The following MINDY4 variants were observed in gnomAD, a reference collection of about 807,000 sequenced individuals.
MINDY4 encodes the protein MINDY lysine 48 deubiquitinase 4, also known as probable ubiquitin carboxyl-terminal hydrolase MINDY-4.
Under a neutral mutation model 87.0 loss-of-function variants are expected in MINDY4, and 68 were observed. That is an observed-to-expected ratio of 0.78 (90% CI 0.64 to 0.96). MINDY4 has a LOEUF of 0.96. Ranked by LOEUF, MINDY4 falls within the 40% of genes least tolerant of loss-of-function variation. The pLI is 0.00. For synonymous variants in MINDY4, 379 were observed against 363.2 expected (o/e 1.04, Z -0.50); for missense variants, 919 against 928.2 (o/e 0.99, Z 0.13).
intron 6 of MINDY4, among the ~76,000 whole-genome samples, chr7:30,833,811 AGGG>A (rs959387407): frequency 3.3e-5 from 5 of 152,252 alleles, no homozygotes; most frequent in Admixed American, 6.5e-5. Context: ...GCCAAAACAA[AGGG>A]GCCCAGGCCC....
chr7:30,846,402 T>G (rs1022781570), intron 9 of MINDY4, among the ~76,000 whole-genome samples: 6 of 152,222 alleles, frequency 3.9e-5, no homozygotes, highest in African/African-American at 1.4e-4. Context: ...TCATTTATTT[T>G]CCCTATCTCT....
At chr7:30,844,571 C>T (rs1789147875) in intron 9 of MINDY4, among the ~76,000 whole-genome samples, 1 of 152,312 alleles carries the variant, frequency 6.6e-6, no homozygotes, top group African/African-American at 2.4e-5. Context: ...GGAGTGAGGG[C>T]CTGCTGTCGG....
intron 8 of MINDY4, 75 bp downstream of exon 8, chr7:30,839,391 T>C: frequency 1.1e-6 from 1 of 900,194 alleles, no homozygotes; most frequent in Non-Finnish European, 1.7e-6. Context: ...CCTCCCAGTT[T>C]TGGTTAATCC....
At chr7:30,776,472 T>G (rs1483938800) in intron 1 of MINDY4, among the ~76,000 whole-genome samples, 1 of 152,202 alleles carries the variant, frequency 6.6e-6, no homozygotes, top group Non-Finnish European at 1.5e-5. Flanking sequence ...TAGCCCTCTC[T>G]GTCTCCTTAT....
intron 1 of MINDY4, among the ~76,000 whole-genome samples, chr7:30,772,130 C>T (rs12666880): frequency 0.32 from 49,101 of 152,022 alleles, 8,527 homozygotes; most frequent in South Asian, 0.42. Flanking sequence ...AGGTCCTTAG[C>T]TGTCATCTGG....
At chr7:30,807,930 A>G (rs566712089) in intron 5 of MINDY4, among the ~76,000 whole-genome samples, 5 of 152,332 alleles carry the variant, frequency 3.3e-5, no homozygotes, top group African/African-American at 9.6e-5. Flanking sequence ...GCTCCCGGCC[A>G]AATAAAGCCC....
At chr7:30,778,929 T>C (rs1444779496) in intron 2 of MINDY4, among the ~76,000 whole-genome samples, 1 of 152,238 alleles carries the variant, frequency 6.6e-6, no homozygotes, top group African/African-American at 2.4e-5. Flanking sequence ...GCCCTGCTTA[T>C]GTAAGAGTTT....
At chr7:30,814,083 G>A (rs1788082679) in intron 5 of MINDY4, among the ~76,000 whole-genome samples, 1 of 152,200 alleles carries the variant, frequency 6.6e-6, no homozygotes, top group Non-Finnish European at 1.5e-5. Context: ...GAGGACCAGC[G>A]TCAGGTTCAG....
At chr7:30,786,929 C>T (rs1248950520) in intron 4 of MINDY4, among the ~76,000 whole-genome samples, 6 of 152,128 alleles carry the variant, frequency 3.9e-5, no homozygotes, top group Non-Finnish European at 7.3e-5. Flanking sequence ...CTCAAAGTGC[C>T]GTATCAGTCA....
At chr7:30,820,003 G>A (rs898999850) in intron 5 of MINDY4, among the ~76,000 whole-genome samples, 3 of 139,924 alleles carry the variant, frequency 2.1e-5, no homozygotes, top group Admixed American at 7.5e-5. Flanking sequence ...CTGGGTTCAC[G>A]CCATTCTCCT....
At chr7:30,859,746 C>T (rs780457940) in intron 13 of MINDY4, among the ~76,000 whole-genome samples, 5 of 152,160 alleles carry the variant, frequency 3.3e-5, no homozygotes, top group Admixed American at 6.5e-5. Context: ...CCTGCAGTCG[C>T]GTGGACAAGG....
intron 9 of MINDY4, among the ~76,000 whole-genome samples, chr7:30,842,948 C>T (rs1448968764): frequency 6.6e-6 from 1 of 152,202 alleles, no homozygotes; most frequent in Non-Finnish European, 1.5e-5. Flanking sequence ...GGACCTCCCC[C>T]ATTAAGATAA....
chr7:30,866,863 C>T (rs1330451460), intron 13 of MINDY4, among the ~76,000 whole-genome samples: 1 of 152,066 alleles, frequency 6.6e-6, no homozygotes, highest in Admixed American at 6.5e-5. Flanking sequence ...CCCTGCTTTC[C>T]CTTCTTCCTC....
chr7:30,820,273 T>C (rs1788288942), intron 5 of MINDY4, among the ~76,000 whole-genome samples: 1 of 152,212 alleles, frequency 6.6e-6, no homozygotes. Context: ...TTGCCTTTAG[T>C]ATAATTGCTG....
intron 8 of MINDY4, among the ~76,000 whole-genome samples, chr7:30,840,069 A>G (rs1366407705): frequency 6.6e-6 from 1 of 152,104 alleles, no homozygotes; most frequent in Non-Finnish European, 1.5e-5. Context: ...GCTGGTCTTC[A>G]TGAGCACCCC....
chr7:30,882,372 T>TCGCCCCCCGCCCCCCCC lies in MINDY4; in HGVS notation c.2152+12_2152+13insGCCCCCCGCCCCCCCCC. 6.6e-7 allele frequency: 1 copy of TCGCCCCCCGCCCCCCCC among 1,521,498 alleles called. No homozygotes were observed. Among genetic ancestry groups the TCGCCCCCCGCCCCCCCC allele is most frequent in the Non-Finnish European group, 8.9e-7 (1 of 1,127,554 alleles). 94.2% of individuals were successfully genotyped at this position (1,521,498 alleles called of 1,614,324 possible). On this transcript the variant is annotated intron_variant, in intron 16 of 17. Coordinates refer to ENST00000265299, the MANE Select transcript of MINDY4 (RefSeq NM_032222.3). Reference sequence around the variant, plus strand: ...TCCGGCTGACCATTGGTGCGGGCCCTCACCCCCCCACCCACCCAACCCTGT... The same window carrying TCGCCCCCCGCCCCCCCC: ...TCCGGCTGACCATTGGTGCGGGCCCTCGCCCCCCGCCCCCCCCCACCCCCCCACCCACCCAACCCTGT...
intron 5 of MINDY4, among the ~76,000 whole-genome samples, chr7:30,808,467 C>T (rs1298338284): frequency 1.3e-5 from 2 of 151,952 alleles, no homozygotes; most frequent in African/African-American, 2.4e-5. Flanking sequence ...TGTGTGGGTG[C>T]CCTTTTTACT....
intron 11 of MINDY4, among the ~76,000 whole-genome samples, chr7:30,852,898 G>A (rs764635720): frequency 3.3e-5 from 5 of 152,328 alleles, no homozygotes; most frequent in South Asian, 2.1e-4. Context: ...TGAGGGTCTC[G>A]CATTGTTGAA....
intron 13 of MINDY4, among the ~76,000 whole-genome samples, chr7:30,869,517 T>A (rs1279070181): frequency 6.6e-6 from 1 of 152,118 alleles, no homozygotes; most frequent in Non-Finnish European, 1.5e-5. Context: ...GCCAGAGGGT[T>A]GGTACCTTGT....
Sources: allele counts gnomAD v4.1 joint callset (sites outside exome capture counted in the v4.1 genomes callset), GRCh38; gene constraint gnomAD v4.1.1; transcripts MANE v1.5; gene names NCBI Gene and HGNC (gene_info 2026-07-23, HGNC 2026-07-21).